FAF1: variants seen among roughly 807,000 people sequenced by gnomAD.
The protein encoded by FAF1 is Fas associated factor 1, also known as FAS-associated factor 1.
In FAF1, 25 loss-of-function variants were observed where a neutral mutation model predicts 92.5. The observed-to-expected ratio is 0.27, with a 90% CI of 0.20 to 0.38. The LOEUF is 0.38. FAF1 is among the 10% of genes least tolerant of loss of function. The pLI is 1.00. For missense variants in FAF1, 636 were observed against 793.3 expected (o/e 0.80, Z 2.38); for synonymous variants, 234 against 273.2 (o/e 0.86, Z 1.42).
At chr1:50,552,420 T>C (rs1326836455) in intron 13 of FAF1, among the ~76,000 whole-genome samples, 1 of 152,182 alleles carries the variant, frequency 6.6e-6, no homozygotes, top group Non-Finnish European at 1.5e-5. Context: ...AGCTCATTCA[T>C]ATTCTTAATC....
chr1:50,855,999 T>C (rs1371401617), intron 2 of FAF1, among the ~76,000 whole-genome samples: 2 of 151,836 alleles, frequency 1.3e-5, no homozygotes, highest in Non-Finnish European at 3.0e-5. Flanking sequence ...TTCAACATTA[T>C]CTGGGAAAAT....
At chr1:50,700,853 CAG>C (rs1445882447) in intron 7 of FAF1, among the ~76,000 whole-genome samples, 1 of 152,074 alleles carries the variant, frequency 6.6e-6, no homozygotes, top group African/African-American at 2.4e-5. Context: ...AAAATAGTTC[CAG>C]AGAGGGGAAA....
intron 4 of FAF1, among the ~76,000 whole-genome samples, chr1:50,778,489 A>G (rs2124557710): frequency 6.6e-6 from 1 of 152,344 alleles, no homozygotes; most frequent in East Asian, 1.9e-4. Flanking sequence ...GTTGACCAGA[A>G]ACCTTACTGA....
intron 3 of FAF1, among the ~76,000 whole-genome samples, chr1:50,792,150 C>G (rs1661586175): frequency 6.6e-6 from 1 of 152,120 alleles, no homozygotes. Context: ...ATGGCTGCTT[C>G]TGACTCGGAG....
At chr1:50,723,882 G>A (rs1333507871) in intron 6 of FAF1, among the ~76,000 whole-genome samples, 1 of 152,002 alleles carries the variant, frequency 6.6e-6, no homozygotes, top group East Asian at 1.9e-4. Flanking sequence ...CTGAGTAGCT[G>A]GGATTACAGG....
intron 1 of FAF1, among the ~76,000 whole-genome samples, chr1:50,929,071 C>CA (rs59078269): frequency 0.075 from 2,709 of 35,924 alleles, 90 homozygotes; most frequent in Admixed American, 0.22. Flanking sequence ...GACACTGTCT[C>CA]AAAAAAAAAA....
At chr1:50,817,790 T>C (rs1325536432) in intron 2 of FAF1, among the ~76,000 whole-genome samples, 1 of 152,220 alleles carries the variant, frequency 6.6e-6, no homozygotes, top group Non-Finnish European at 1.5e-5. Flanking sequence ...CCTGTGAATA[T>C]ATTTAAAGAG....
intron 1 of FAF1, among the ~76,000 whole-genome samples, chr1:50,899,472 AAT>A (rs1644780179): frequency 6.6e-6 from 1 of 151,804 alleles, no homozygotes; most frequent in Non-Finnish European, 1.5e-5. Context: ...TATTCCTTTA[AAT>A]ATATATATTT....
intron 1 of FAF1, among the ~76,000 whole-genome samples, chr1:50,942,619 T>C (rs969867657): frequency 3.3e-5 from 5 of 152,220 alleles, no homozygotes; most frequent in Admixed American, 6.5e-5. Flanking sequence ...TCCACCCTAC[T>C]TACTGGCAAG....
intron 1 of FAF1, among the ~76,000 whole-genome samples, chr1:50,952,757 G>A (rs1383820819): frequency 9.3e-5 from 14 of 150,530 alleles, no homozygotes; most frequent in Admixed American, 3.3e-4. Flanking sequence ...CTGCCCGACC[G>A]CCACCCCGTC....
chr1:50,550,137 G>A (rs1649237452), intron 13 of FAF1, among the ~76,000 whole-genome samples: 1 of 151,932 alleles, frequency 6.6e-6, no homozygotes. Flanking sequence ...AGACCACGAG[G>A]TCAGGAGATC....
chr1:50,637,726 T>C (rs1654123788), intron 8 of FAF1, among the ~76,000 whole-genome samples: 1 of 148,394 alleles, frequency 6.7e-6, no homozygotes. Flanking sequence ...TGTGCATATG[T>C]GTGTATACAT....
chr1:50,646,266 CAT>C (rs1270705950), intron 8 of FAF1, among the ~76,000 whole-genome samples: 1 of 152,146 alleles, frequency 6.6e-6, no homozygotes, highest in African/African-American at 2.4e-5. Flanking sequence ...CACACACACA[CAT>C]TGGTAAAAAT....
At chr1:50,770,841 C>T (rs139440820) in intron 4 of FAF1, among the ~76,000 whole-genome samples, 1 of 152,314 alleles carries the variant, frequency 6.6e-6, no homozygotes, top group African/African-American at 2.4e-5. Flanking sequence ...GGAGGCACCA[C>T]ATTACCCAAC....
intron 4 of FAF1, among the ~76,000 whole-genome samples, chr1:50,766,694 G>A (rs1426405938): frequency 1.4e-5 from 2 of 146,908 alleles, no homozygotes; most frequent in Non-Finnish European, 3.0e-5. Flanking sequence ...AACTCCAAAG[G>A]AAGGGAAACA....
chr1:50,560,572 T>C (rs151240165), intron 13 of FAF1, among the ~76,000 whole-genome samples: 134 of 152,340 alleles, frequency 8.8e-4, no homozygotes, highest in Non-Finnish European at 1.7e-3. Context: ...TGCTTAGAAA[T>C]AGTGTGCAAT....
chr1:50,530,235 AGTG>A (rs1648067502), intron 15 of FAF1, among the ~76,000 whole-genome samples: 1 of 120,042 alleles, frequency 8.3e-6, no homozygotes, highest in Admixed American at 8.2e-5. Context: ...AGCTTTAAGA[AGTG>A]GTGTGTGTGT....
intron 1 of FAF1, among the ~76,000 whole-genome samples, chr1:50,955,696 T>C (rs568941209): frequency 1.3e-5 from 2 of 152,358 alleles, no homozygotes; most frequent in African/African-American, 2.4e-5. Flanking sequence ...CCAATGTTTA[T>C]GGCTGCATGA....
intron 8 of FAF1, among the ~76,000 whole-genome samples, chr1:50,615,369 T>TG (rs1209270101): frequency 1.3e-5 from 2 of 152,164 alleles, no homozygotes; most frequent in Admixed American, 6.5e-5. Flanking sequence ...ATCTATTTGC[T>TG]GGGGAGGGGC....
Sources: gnomAD v4.1 joint callset for allele counts (sites outside exome capture counted in the v4.1 genomes callset) on GRCh38, gnomAD v4.1.1 for gene constraint, MANE v1.5 for transcripts, NCBI Gene and HGNC (gene_info 2026-07-23, HGNC 2026-07-21) for gene names.